Variants in CDH13 observed in about 807,000 individuals in gnomAD.
CDH13 encodes cadherin-13.
Under a neutral mutation model 63.8 loss-of-function variants are expected in CDH13, and 24 were observed. That is an observed-to-expected ratio of 0.38 (90% confidence interval 0.27 to 0.53). CDH13 has a LOEUF of 0.53. CDH13 is among the 20% of genes least tolerant of loss of function. The pLI, the probability that CDH13 is intolerant of heterozygous loss-of-function variation, is 0.85. For synonymous variants in CDH13, 503 were observed against 355.3 expected (o/e 1.42, Z -4.67); for missense variants, 1,049 against 903.1 (o/e 1.16, Z -2.07).
intron 6 of CDH13, among the ~76,000 whole-genome samples, chr16:83,421,128 C>G (rs1375250085): frequency 6.6e-6 from 1 of 152,058 alleles, no homozygotes; most frequent in Non-Finnish European, 1.5e-5. Flanking sequence ...CATCTAGAAC[C>G]TAGGAGGAAC....
At chr16:83,191,268 A>AGGCTTATTAGTTTGTCAC (rs1339883815) in intron 4 of CDH13, among the ~76,000 whole-genome samples, 1 of 145,990 alleles carries the variant, frequency 6.8e-6, no homozygotes, top group Non-Finnish European at 1.5e-5. Context: ...AACAAATCAC[A>AGGCTTATTAGTTTGTCAC]AGTGTTAATA....
chr16:83,230,258 C>G (rs1006910484), intron 5 of CDH13, among the ~76,000 whole-genome samples: 1 of 152,084 alleles, frequency 6.6e-6, no homozygotes, highest in Admixed American at 6.6e-5. Context: ...TGATGTGAGG[C>G]TCTGGTAATT....
chr16:83,747,483 C>T (rs1912699116), intron 10 of CDH13, among the ~76,000 whole-genome samples: 1 of 152,100 alleles, frequency 6.6e-6, no homozygotes, highest in Non-Finnish European at 1.5e-5. Flanking sequence ...TCTATTAAAA[C>T]TCTTTCTTTT....
chr16:83,078,091 A>G (rs916151228), intron 3 of CDH13, among the ~76,000 whole-genome samples: 2 of 152,208 alleles, frequency 1.3e-5, no homozygotes, highest in South Asian at 4.1e-4. Flanking sequence ...AGTCAGCTCA[A>G]ATAGGGATAC....
intron 6 of CDH13, among the ~76,000 whole-genome samples, chr16:83,474,378 C>T (rs1019407701): frequency 3.9e-5 from 6 of 152,186 alleles, no homozygotes; most frequent in African/African-American, 1.4e-4. Context: ...GAGTCTCCAT[C>T]TGTTCAGCTT....
At chr16:83,482,691 T>C (rs1377671299) in intron 6 of CDH13, among the ~76,000 whole-genome samples, 1 of 152,206 alleles carries the variant, frequency 6.6e-6, no homozygotes, top group African/African-American at 2.4e-5. Flanking sequence ...AAGTAAAGCC[T>C]GGTCTTAGAG....
intron 8 of CDH13, among the ~76,000 whole-genome samples, chr16:83,657,571 C>T (rs773651069): frequency 6.6e-6 from 1 of 152,174 alleles, no homozygotes; most frequent in Non-Finnish European, 1.5e-5. Context: ...AACAGCCCAC[C>T]TTCCTCTGCA....
Position 83,795,210 on chromosome 16 carries a change from A to G in CDH13, c.*180A>G. On this transcript the variant is annotated 3_prime_UTR_variant, in exon 14 of 14. Transcript: ENST00000567109. ...GTCTGTACTTCATCATTTTGACAGC[A>G]TCTTCCTCCCTCCTTTAATTAATGG... 1.8e-6 allele frequency: 1 copy of G among 552,486 alleles called. No homozygotes were observed. The highest frequency in any genetic ancestry group is 3.2e-6 in the Non-Finnish European group (1 of 311,950). The allele number at this position is 552,486 out of a possible 1,614,324, so 34.2% of individuals were successfully genotyped here.
chr16:83,213,165 A>G (rs1333039218), intron 4 of CDH13, among the ~76,000 whole-genome samples: 1 of 152,148 alleles, frequency 6.6e-6, no homozygotes, highest in Non-Finnish European at 1.5e-5. Context: ...TTCCTGGGGA[A>G]TAAGTAATTT....
chr16:83,765,318 A>T (rs393343), intron 11 of CDH13, among the ~76,000 whole-genome samples: 3 of 152,006 alleles, frequency 2.0e-5, no homozygotes, highest in Non-Finnish European at 4.4e-5. Flanking sequence ...TTTTTCTTTT[A>T]TCTAAAGTCA....
intron 6 of CDH13, among the ~76,000 whole-genome samples, chr16:83,407,939 C>A (rs1446891423): frequency 6.6e-6 from 1 of 152,100 alleles, no homozygotes; most frequent in Non-Finnish European, 1.5e-5. Flanking sequence ...TTTGGGGGTT[C>A]TCATTTTCCT....
chr16:82,686,780 T>G (rs1390957918), intron 1 of CDH13, among the ~76,000 whole-genome samples: 1 of 152,024 alleles, frequency 6.6e-6, no homozygotes. Context: ...TAAATGAGAG[T>G]TGATGTTGAG....
chr16:83,281,039 A>G (rs1228540422), intron 5 of CDH13, among the ~76,000 whole-genome samples: 1 of 152,214 alleles, frequency 6.6e-6, no homozygotes, highest in Non-Finnish European at 1.5e-5. Flanking sequence ...CCCCCTAACC[A>G]GAGAGTCTGC....
intron 2 of CDH13, among the ~76,000 whole-genome samples, chr16:82,863,724 A>T (rs906354560): frequency 2.0e-5 from 3 of 152,194 alleles, no homozygotes; most frequent in African/African-American, 4.8e-5. Flanking sequence ...CCTCAGCTAG[A>T]TCCACTTTTC....
intron 2 of CDH13, among the ~76,000 whole-genome samples, chr16:82,941,550 A>G (rs903344248): frequency 6.6e-6 from 1 of 152,216 alleles, no homozygotes; most frequent in East Asian, 1.9e-4. Context: ...TACATAAAGC[A>G]TTGTGTGGAT....
chr16:83,704,756 A>T (rs909715668), intron 10 of CDH13, among the ~76,000 whole-genome samples: 2 of 152,196 alleles, frequency 1.3e-5, no homozygotes, highest in South Asian at 2.1e-4. Context: ...ATGGTACTAC[A>T]ATAGAAAAAA....
intron 2 of CDH13, among the ~76,000 whole-genome samples, chr16:82,924,455 T>C: frequency 6.6e-6 from 1 of 152,178 alleles, no homozygotes; most frequent in South Asian, 2.1e-4. Context: ...TTTACTCAGG[T>C]GGTGGTTGCG....
Position 83,378,974 on chromosome 16 carries a change from T to C in CDH13, c.781+33968T>C, listed in dbSNP as rs577540712. ...AGATAGGTTTCTCCAGTTTAGAAATTGTATATACACATGCATCTATATATA... is the reference window on the plus strand; with the variant it reads ...AGATAGGTTTCTCCAGTTTAGAAATCGTATATACACATGCATCTATATATA... On this transcript the variant is annotated intron_variant, in intron 6 of 13. Coordinates refer to ENST00000567109, the MANE Select transcript of CDH13 (RefSeq NM_001257.5). 2.0e-5 allele frequency among the ~76,000 whole-genome samples: 3 copies of C among 150,498 alleles called. No individual in the cohort carries two copies. The South Asian group carries it at 6.3e-4, about 32-fold the overall frequency.
intron 6 of CDH13, among the ~76,000 whole-genome samples, chr16:83,481,249 A>G (rs902035475): frequency 6.6e-6 from 1 of 152,218 alleles, no homozygotes; most frequent in African/African-American, 2.4e-5. Flanking sequence ...CTATGTCTCA[A>G]TACGTGATTC....
Sources: allele counts gnomAD v4.1 joint callset (sites outside exome capture counted in the v4.1 genomes callset), GRCh38; gene constraint gnomAD v4.1.1; transcripts MANE v1.5; gene names NCBI Gene and HGNC (gene_info 2026-07-23, HGNC 2026-07-21).